The following UFM1 variants were observed in gnomAD, a reference collection of about 807,000 sequenced individuals.
UFM1 encodes ubiquitin-fold modifier 1.
Under a neutral mutation model 15.4 loss-of-function variants are expected in UFM1, and 9 were observed. That is an observed-to-expected ratio of 0.59 (90% CI 0.35 to 1.02). UFM1 has a LOEUF of 1.02. Ranked by LOEUF, UFM1 falls within the 50% of genes least tolerant of loss-of-function variation. The pLI, the probability that UFM1 is intolerant of heterozygous loss-of-function variation, is 0.02. For missense variants in UFM1, 98 were observed against 104.7 expected, an observed-to-expected ratio of 0.94 and a Z score of 0.28; for synonymous variants, 27 against 36.3, an observed-to-expected ratio of 0.74 and a Z score of 0.92.
At chr13:38,349,967 C>T (rs1213921726) in intron 1 of UFM1, 32 bp from the exon 2 acceptor site, 2 of 1,613,932 alleles carry the variant, frequency 1.2e-6, no homozygotes, top group African/African-American at 1.3e-5. Context: ...TCCAGCTGCC[C>T]GACCCTGACT....
chr13:38,350,950 T>G (rs570708799), intron 2 of UFM1, among the ~76,000 whole-genome samples: 4 of 152,304 alleles, frequency 2.6e-5, no homozygotes, highest in South Asian at 4.1e-4. Flanking sequence ...ACCTTAAGAT[T>G]CCAATAATTG....
At chr13:38,360,540 TAGG>T (rs925564495) in intron 5 of UFM1, among the ~76,000 whole-genome samples, 168 bp from the exon 6 acceptor site, 17 of 152,060 alleles carry the variant, frequency 1.1e-4, no homozygotes, top group Non-Finnish European at 2.2e-4. Flanking sequence ...ATTGTGAAGA[TAGG>T]AGAATAGGAA....
chr13:38,350,151 C>T (rs756696496), intron 2 of UFM1, 96 bp downstream of exon 2: 1 of 1,613,982 alleles, frequency 6.2e-7, no homozygotes, highest in South Asian at 1.1e-5. Context: ...CCCACGCAGT[C>T]TTCATCTCTT....
intron 2 of UFM1, among the ~76,000 whole-genome samples, chr13:38,351,197 C>T (rs1330394150): frequency 6.6e-6 from 1 of 152,178 alleles, no homozygotes; most frequent in Non-Finnish European, 1.5e-5. Context: ...GGCCCTGTCT[C>T]TCCTCTCAGC....
In UFM1 at chr13:38,358,072, T is replaced by TATA. The variant is rs368202830; in HGVS notation, c.118-21_118-20insATA. On this transcript the variant is annotated intron_variant, in intron 3 of 5. Coordinates refer to ENST00000239878, the MANE Select transcript of UFM1 (RefSeq NM_016617.4). ...GTGTGTGTGTGTATATATATATATA[T>TATA]TTTTTTTTCCTTCTATTTAGTTTAA... The TATA allele has an allele frequency of 5.2e-5, 56 of 1,075,926 alleles. No individual in the cohort carries two copies. In the African/African-American group the frequency reaches 1.1e-3, roughly 22 times the overall value. 66.6% of individuals were successfully genotyped at this position (1,075,926 alleles called of 1,614,324 possible).
intron 4 of UFM1, among the ~76,000 whole-genome samples, chr13:38,358,468 A>G (rs533835913): frequency 1.1e-4 from 16 of 151,990 alleles, no homozygotes; most frequent in African/African-American, 3.6e-4. Context: ...AAAGTTAAGC[A>G]GGAATGTATC....
At position 38,360,837 on chromosome 13, in the gene UFM1, T is replaced by G; in HGVS notation, c.*59T>G. On this transcript the variant is annotated 3_prime_UTR_variant, in exon 6 of 6. Coordinates refer to ENST00000239878, the MANE Select transcript of UFM1 (RefSeq NM_016617.4). ...GAATAAATATTGGTATTTTTTGTTG[T>G]TGTAAAATTGAAATCAGGCATTTAA... 1 of 1,434,342 alleles carries G rather than the reference T, an allele frequency of 7.0e-7. No individual in the cohort carries two copies. The highest frequency in any genetic ancestry group is 9.7e-7 in the Non-Finnish European group (1 of 1,026,018). 88.9% of individuals were successfully genotyped at this position (1,434,342 alleles called of 1,614,324 possible). A position where few individuals can be genotyped will look rare whatever the true frequency, so the allele number is the denominator to read the frequency against.
chr13:38,351,055 T>G (rs17232348), intron 2 of UFM1, among the ~76,000 whole-genome samples: 2,137 of 152,342 alleles, frequency 0.014, 25 homozygotes, highest in Non-Finnish European at 0.019. Flanking sequence ...AACGTTTCAT[T>G]TAATCCATTA....
intron 2 of UFM1, among the ~76,000 whole-genome samples, chr13:38,352,415 C>G (rs1313773163): frequency 6.6e-5 from 10 of 152,036 alleles, no homozygotes; most frequent in Admixed American, 6.6e-4. Flanking sequence ...TTCTAATTGT[C>G]CACAGAGTTA....
At chr13:38,360,486 A>G (rs1326652077) in intron 5 of UFM1, among the ~76,000 whole-genome samples, 2 of 152,004 alleles carry the variant, frequency 1.3e-5, no homozygotes, top group Admixed American at 1.3e-4. Flanking sequence ...TATTCGTCAG[A>G]GTTTTCATGG....
At position 38,358,132 on chromosome 13, in the gene UFM1, G is replaced by C; in HGVS notation, c.157G>C (p.Asp53His). ...PAATSAIITN[D>H]GIGINPAQTA... ...TGCAACAAGTGCAATTATTACCAAT[G>C]GTAAGAATTCACTATAAAATTATGT... The change falls in exon 4 of 6, where the codon GAT (aspartate) becomes CAT (histidine). Residue 53 changes from aspartate to histidine, a missense_variant and splice_region_variant. Physicochemically the swap from Asp to His is moderately conservative, Grantham distance 81. Coordinates refer to ENST00000239878, the MANE Select transcript of UFM1 (RefSeq NM_016617.4). The C allele has an allele frequency of 6.9e-7, 1 of 1,443,662 alleles. No individual in the cohort carries two copies. Among genetic ancestry groups the C allele is most frequent in the Non-Finnish European group, 9.2e-7 (1 of 1,083,588 alleles). The allele number at this position is 1,443,662 out of a possible 1,614,324, so 89.4% of individuals were successfully genotyped here. A position where few individuals can be genotyped will look rare whatever the true frequency, so the allele number is the denominator to read the frequency against.
At chr13:38,360,678 A>G (rs1879329816) in intron 5 of UFM1, 33 bp from the exon 6 acceptor site, 2 of 1,476,920 alleles carry the variant, frequency 1.4e-6, no homozygotes, top group Non-Finnish European at 1.9e-6. Flanking sequence ...TGATTTTTAG[A>G]TATCTAACTT....
intron 2 of UFM1, among the ~76,000 whole-genome samples, chr13:38,353,837 A>G (rs187388709): frequency 6.6e-6 from 1 of 152,230 alleles, no homozygotes; most frequent in Admixed American, 6.5e-5. Flanking sequence ...AAATGATAAC[A>G]TTACTGGGTC....
chr13:38,358,037 TTG>T (rs71673975), intron 3 of UFM1, 54 bp from the exon 4 acceptor site: 182,573 of 477,458 alleles, frequency 0.38, 29,350 homozygotes, highest in African/African-American at 0.51. Context: ...TCTTATAGTT[TTG>T]TGTGTGTGTG....
chr13:38,359,307 T>TA lies in UFM1; in HGVS notation c.165dup (p.Gly56ArgfsTer24), dbSNP rs1879266064. The TA allele has an allele frequency of 6.2e-7, 1 of 1,610,354 alleles. No individual in the cohort carries two copies. Among genetic ancestry groups the TA allele is most frequent in the African/African-American group, 1.3e-5 (1 of 74,798 alleles). The stretch of plus-strand genomic sequence containing the variant: ...TTTACAACTTATTTTCTAGATGGAA[T>TA]AGGAATAAATCCTGCACAGACTGCT... On this transcript the variant is annotated frameshift_variant, in exon 5 of 6. Coordinates refer to ENST00000239878, the MANE Select transcript of UFM1 (RefSeq NM_016617.4). LOFTEE classifies it high-confidence loss of function.
At chr13:38,355,641 T>C (rs933897119) in intron 3 of UFM1, among the ~76,000 whole-genome samples, 5 of 151,810 alleles carry the variant, frequency 3.3e-5, no homozygotes, top group Non-Finnish European at 5.9e-5. Context: ...TATATATTGA[T>C]TAAGGTAGTT....
rs771551080 is a variant in UFM1 at position 38,349,987 on chromosome 13, T to A, written c.3-12T>A. 1 of 1,614,094 alleles carries A rather than the reference T, an allele frequency of 6.2e-7. No individual in the cohort carries two copies. The highest frequency in any genetic ancestry group is 2.2e-5 in the East Asian group (1 of 44,884). On this transcript the variant is annotated splice_polypyrimidine_tract_variant and intron_variant, in intron 1 of 5. Coordinates refer to ENST00000239878, the MANE Select transcript of UFM1 (RefSeq NM_016617.4). ...CTGCCCGACCCTGACTCTCTCCCGC[T>A]CTTTTCCTCAGGTCGAAGGTTTCCT...
chr13:38,356,862 A>G (rs1879123762), intron 3 of UFM1, among the ~76,000 whole-genome samples: 2 of 151,928 alleles, frequency 1.3e-5, no homozygotes, highest in Admixed American at 1.3e-4. Context: ...TAATATCTAT[A>G]AAGTTAGTCC....
chr13:38,354,020 C>T (rs373279465), intron 2 of UFM1, among the ~76,000 whole-genome samples: 8 of 151,986 alleles, frequency 5.3e-5, no homozygotes, highest in South Asian at 2.1e-4. Context: ...AAGTGGAGCT[C>T]GGGCACCATC....
Sources: gnomAD v4.1 joint callset for allele counts (sites outside exome capture counted in the v4.1 genomes callset) on GRCh38, gnomAD v4.1.1 for gene constraint, MANE v1.5 for transcripts, NCBI Gene and HGNC (gene_info 2026-07-23, HGNC 2026-07-21) for gene names.